CDC23: variants seen among roughly 807,000 people sequenced by gnomAD.
The protein encoded by CDC23 is cell division cycle 23, also known as cell division cycle protein 23 homolog.
In CDC23, 26 loss-of-function variants were observed where a neutral mutation model predicts 81.7. The ratio of observed to expected loss-of-function variants is 0.32; its 90% CI spans 0.23 to 0.44. CDC23 has a LOEUF of 0.44. CDC23 is among the 20% of genes least tolerant of loss of function. The pLI is 1.00. For synonymous variants in CDC23, 267 were observed against 270.8 expected (o/e 0.99, Z 0.14); for missense variants, 519 against 728.0 (o/e 0.71, Z 3.30).
At chr5:138,205,465 G>A (rs6873026) in intron 3 of CDC23, among the ~76,000 whole-genome samples, 32 of 152,222 alleles carry the variant, frequency 2.1e-4, no homozygotes, top group African/African-American at 7.5e-4. Flanking sequence ...TTCCACTTAT[G>A]TAAGGTACTT....
rs1362039410 is a variant in CDC23, at chr5:138,198,269, C to T, written c.942G>A (p.Ser314=). The change falls in exon 9 of 16, where the codon TCG becomes TCA. Residue 314 remains serine, a synonymous_variant. Transcript: ENST00000394886. ...SNLLYVRSMK[S]ELSYLAHNLC... ...GGTTATGAGCCAGATAACTCAACTC[C>T]GATTTCATGCTCTGGGATAAAAGAA... 6.2e-6 allele frequency: 10 copies of T among 1,612,972 alleles called. No individual in the cohort carries two copies. Among genetic ancestry groups the T allele is most frequent in the South Asian group, 5.5e-5 (5 of 91,050 alleles).
At chr5:138,197,983 GCTCT>G (rs1199552225) in intron 9 of CDC23, among the ~76,000 whole-genome samples, 1 of 151,972 alleles carries the variant, frequency 6.6e-6, no homozygotes, top group Non-Finnish European at 1.5e-5. Flanking sequence ...TAAGAGATGG[GCTCT>G]CACTCTGTTG....
intron 9 of CDC23, among the ~76,000 whole-genome samples, chr5:138,196,082 T>G (rs958076571): frequency 6.6e-6 from 1 of 151,526 alleles, no homozygotes; most frequent in African/African-American, 2.4e-5. Flanking sequence ...AGCTAGCGTA[T>G]TATTTTTTGT....
At chr5:138,191,397 G>T in intron 13 of CDC23, 77 bp downstream of exon 13, 1 of 1,175,948 alleles carries the variant, frequency 8.5e-7, no homozygotes, top group Non-Finnish European at 1.3e-6. Context: ...GTGTATGGGA[G>T]GCTCTAGACC....
At chr5:138,212,967 C>A in intron 2 of CDC23, 24 bp downstream of exon 2, 1 of 1,599,524 alleles carries the variant, frequency 6.3e-7, no homozygotes, top group Non-Finnish European at 8.6e-7. Context: ...TGATGGGGAG[C>A]GCTCACTGTA....
intron 6 of CDC23, among the ~76,000 whole-genome samples, chr5:138,200,154 CAG>C (rs1754970354): frequency 6.6e-6 from 1 of 152,122 alleles, no homozygotes; most frequent in Non-Finnish European, 1.5e-5. Context: ...TTGTTTGAGA[CAG>C]AGTTTCGCTC....
chr5:138,192,497 T>C lies in CDC23; in HGVS notation c.1166+7A>G, dbSNP rs1754838052. 1.2e-6 allele frequency: 2 copies of C among 1,613,720 alleles called. No individual in the cohort carries two copies. The highest frequency in any genetic ancestry group is 2.7e-5 in the African/African-American group (2 of 74,870). On this transcript the variant is annotated splice_region_variant and intron_variant, in intron 10 of 15. Coordinates refer to ENST00000394886, the MANE Select transcript of CDC23 (RefSeq NM_004661.4). ...TCTGCTCTACCTCACCACCTATAGA[T>C]AATCACCTATAAGCCTGGATAGCAG...
chr5:138,189,760 G>T lies in CDC23; in HGVS notation c.1504-8C>A, dbSNP rs1754805384. The T allele has an allele frequency of 6.2e-7, 1 of 1,613,274 alleles. No homozygotes were observed. The highest frequency in any genetic ancestry group is 2.2e-5 in the East Asian group (1 of 44,864). On this transcript the variant is annotated splice_polypyrimidine_tract_variant and splice_region_variant and intron_variant, in intron 14 of 15. Transcript: ENST00000394886. ...CAAGTGTTCTACTATTTCCTAGAAA[G>T]GGAAAGCAAAATTACTGAGGTGACA...
rs914973121 is a variant in CDC23, at chr5:138,205,525, G to T, written c.372+1022C>A. Among the ~76,000 whole-genome samples, 5 of 151,894 alleles carry T rather than the reference G, an allele frequency of 3.3e-5. No individual in the cohort carries two copies. The East Asian group carries it at 7.7e-4, about 23-fold the overall frequency. The stretch of plus-strand genomic sequence containing the variant: ...GAAAATAGAATAGTGGTTGCCAAGG[G>T]GTCCACCTTGGGGAAAGGGAAAAAT... On this transcript the variant is annotated intron_variant, in intron 3 of 15. Transcript: ENST00000394886.
chr5:138,191,411 C>A, intron 13 of CDC23, 63 bp downstream of exon 13: 5 of 1,379,450 alleles, frequency 3.6e-6, no homozygotes, highest in Non-Finnish European at 5.2e-6. Context: ...CTAGACCATG[C>A]AGGACCCACC....
intron 2 of CDC23, 140 bp from the exon 3 acceptor site, chr5:138,206,824 C>CAT (rs1333553553): frequency 1.1e-5 from 5 of 437,606 alleles, no homozygotes; most frequent in Non-Finnish European, 1.9e-5. Flanking sequence ...TATGTAGATG[C>CAT]ATATATATAT....
chr5:138,203,989 T>C (rs1755019617), intron 3 of CDC23, among the ~76,000 whole-genome samples: 1 of 152,104 alleles, frequency 6.6e-6, no homozygotes, highest in Admixed American at 6.6e-5. Flanking sequence ...TGGTGTGAAA[T>C]TTACTAAAGT....
chr5:138,192,251 T>C lies in CDC23; in HGVS notation c.1286+18A>G, dbSNP rs185844499. 32 of 1,613,980 alleles carry C rather than the reference T, an allele frequency of 2.0e-5. No homozygotes were observed. In the East Asian group the frequency reaches 6.5e-4, roughly 33 times the overall value. On this transcript the variant is annotated intron_variant, in intron 11 of 15. Transcript: ENST00000394886. ...AGCCCTTCCCATATCAGACGCATTGTCAAGTGACCAGGCTTACCGAAGCTG... is the reference window on the plus strand; with the variant it reads ...AGCCCTTCCCATATCAGACGCATTGCCAAGTGACCAGGCTTACCGAAGCTG...
chr5:138,199,357 G>A (rs1035823697), intron 6 of CDC23, among the ~76,000 whole-genome samples: 2 of 152,154 alleles, frequency 1.3e-5, no homozygotes, highest in African/African-American at 4.8e-5. Context: ...CAGCACTTTG[G>A]GAGGCTATGG....
At chr5:138,189,275 G>C in intron 15 of CDC23, 127 bp from the exon 16 acceptor site, 1 of 770,172 alleles carries the variant, frequency 1.3e-6, no homozygotes, top group South Asian at 1.8e-5. Flanking sequence ...TTTTTTTTTT[G>C]AGATGGAGTC....
chr5:138,198,699 C>G lies in CDC23; in HGVS notation c.738G>C (p.Glu246Asp). 1.9e-6 allele frequency: 3 copies of G among 1,614,084 alleles called. No individual in the cohort carries two copies. The highest frequency in any genetic ancestry group is 2.5e-6 in the Non-Finnish European group (3 of 1,180,006). ...HIYTELQLIEEALQKYQNLID... is the reference protein window; with the variant it reads ...HIYTELQLIEDALQKYQNLID... ...TGAGATTCTGATACTTTTGCAGGGC[C>G]TCCTCTATCAACTGCAACTCTGTGT... The change falls in exon 7 of 16, where the codon GAG becomes GAC. Residue 246 changes from glutamate (E) to aspartate (D), a missense_variant. By Grantham distance (45) the Glu-to-Asp change is conservative. Transcript: ENST00000394886.
chr5:138,200,851 T>G (rs755100180), intron 6 of CDC23: 44 of 431,380 alleles, frequency 1.0e-4, no homozygotes, highest in Non-Finnish European at 1.8e-4. Context: ...ACAATAGAAC[T>G]GAAATGTGAA....
At chr5:138,210,901 T>C (rs1339205168) in intron 2 of CDC23, among the ~76,000 whole-genome samples, 1 of 152,206 alleles carries the variant, frequency 6.6e-6, no homozygotes, top group Non-Finnish European at 1.5e-5. Context: ...TAGGGAACAC[T>C]TATACACTGT....
intron 13 of CDC23, among the ~76,000 whole-genome samples, chr5:138,190,998 G>A (rs1754821029): frequency 6.6e-6 from 1 of 152,138 alleles, no homozygotes; most frequent in Non-Finnish European, 1.5e-5. Context: ...GCCCTTAGCA[G>A]GAAATTAATA....
Sources: allele counts gnomAD v4.1 joint callset (sites outside exome capture counted in the v4.1 genomes callset), GRCh38; gene constraint gnomAD v4.1.1; transcripts MANE v1.5; gene names NCBI Gene and HGNC (gene_info 2026-07-23, HGNC 2026-07-21).